Variants in SDK1 observed in about 807,000 individuals in gnomAD.
The protein encoded by SDK1 is sidekick cell adhesion molecule 1.
In SDK1, 157 loss-of-function variants were observed where a neutral mutation model predicts 245.5. That is an observed-to-expected ratio of 0.64 (90% CI 0.56 to 0.73). The LOEUF (loss-of-function observed/expected upper bound fraction) is 0.73, where lower values mean the gene tolerates loss of function less well. Among genes scored for constraint, SDK1 ranks in the 30% least tolerant of loss-of-function variants. SDK1 has a pLI of 0.00. For synonymous variants in SDK1, 1,647 were observed against 1,278.5 expected (o/e 1.29, Z -6.15); for missense variants, 3,583 against 3,002.3 (o/e 1.19, Z -4.52).
intron 4 of SDK1, among the ~76,000 whole-genome samples, chr7:3,725,872 TCCA>T (rs1368108332): frequency 6.6e-6 from 1 of 152,242 alleles, no homozygotes; most frequent in African/African-American, 2.4e-5. Context: ...GCAGTCGGAC[TCCA>T]ATCGTATTGA....
At chr7:3,998,841 T>C (rs1281066568) in intron 14 of SDK1, among the ~76,000 whole-genome samples, 1 of 152,180 alleles carries the variant, frequency 6.6e-6, no homozygotes, top group Non-Finnish European at 1.5e-5. Flanking sequence ...TAGGGAGTGC[T>C]GGCTTCTCTG....
chr7:3,593,733 A>T (rs1483316489), intron 1 of SDK1, among the ~76,000 whole-genome samples: 1 of 152,084 alleles, frequency 6.6e-6, no homozygotes, highest in Non-Finnish European at 1.5e-5. Context: ...ACCCCCAAAC[A>T]AAAAGCTGTG....
intron 4 of SDK1, among the ~76,000 whole-genome samples, chr7:3,760,172 A>T (rs1455861966): frequency 2.6e-5 from 4 of 152,202 alleles, no homozygotes; most frequent in African/African-American, 9.7e-5. Flanking sequence ...TGTGAAAGAT[A>T]AAATTTCTCG....
At chr7:3,327,940 A>G (rs6462005) in intron 1 of SDK1, among the ~76,000 whole-genome samples, 26,690 of 151,994 alleles carry the variant, frequency 0.18, 2,323 homozygotes, top group South Asian at 0.23. Flanking sequence ...TATGCGGTGT[A>G]TTTTGATACC....
chr7:3,806,851 G>T (rs190919777), intron 4 of SDK1, among the ~76,000 whole-genome samples: 4 of 152,068 alleles, frequency 2.6e-5, no homozygotes, highest in Admixed American at 6.5e-5. Context: ...GTTTTTTCCC[G>T]TTTTTATTTT....
intron 1 of SDK1, among the ~76,000 whole-genome samples, chr7:3,550,527 G>C (rs1385338339): frequency 2.6e-5 from 4 of 152,158 alleles, no homozygotes; most frequent in Admixed American, 2.6e-4. Flanking sequence ...TGTGCTGACT[G>C]TCTGCAGTGT....
At chr7:4,221,386 A>G (rs1423789579) in intron 40 of SDK1, 22 bp downstream of exon 40, 1 of 1,590,142 alleles carries the variant, frequency 6.3e-7, no homozygotes, top group African/African-American at 1.3e-5. Flanking sequence ...GGCCCCACAA[A>G]CGGGGTCTCA....
intron 5 of SDK1, among the ~76,000 whole-genome samples, chr7:3,873,505 C>G (rs2052281629): frequency 6.6e-6 from 1 of 152,048 alleles, no homozygotes; most frequent in African/African-American, 2.4e-5. Flanking sequence ...TTGGAAAATC[C>G]TAGCCCATTA....
chr7:4,164,503 C>T (rs982630880), intron 32 of SDK1, among the ~76,000 whole-genome samples: 20 of 152,224 alleles, frequency 1.3e-4, no homozygotes, highest in African/African-American at 4.8e-4. Context: ...GCTCGTTTCC[C>T]AGCCTGCACC....
At chr7:3,546,752 G>A (rs144864879) in intron 1 of SDK1, among the ~76,000 whole-genome samples, 10 of 152,328 alleles carry the variant, frequency 6.6e-5, no homozygotes, top group Admixed American at 2.0e-4. Context: ...CACGGGTAGC[G>A]TCCTGGAATC....
intron 1 of SDK1, among the ~76,000 whole-genome samples, chr7:3,430,006 C>T (rs989829819): frequency 6.6e-6 from 1 of 152,214 alleles, no homozygotes; most frequent in African/African-American, 2.4e-5. Context: ...AAAATACATG[C>T]AGTCACTGTG....
chr7:3,527,469 C>T lies in SDK1; in HGVS notation c.299-91611C>T, dbSNP rs1297333043. Among the ~76,000 whole-genome samples, 4 of 152,284 alleles carry T rather than the reference C, an allele frequency of 2.6e-5. No individual in the cohort carries two copies. In the East Asian group the frequency reaches 7.7e-4, roughly 29 times the overall value. ...ATGAAGGGCAGTTTAGGGAAGGGAG[C>T]AGCAAGTCAAGAGGCCCTGAGGCTG... On this transcript the variant is annotated intron_variant, in intron 1 of 44. Coordinates refer to ENST00000404826, the MANE Select transcript of SDK1 (RefSeq NM_152744.4).
intron 19 of SDK1, among the ~76,000 whole-genome samples, chr7:4,060,393 A>G (rs1317462987): frequency 6.6e-6 from 1 of 152,220 alleles, no homozygotes; most frequent in African/African-American, 2.4e-5. Context: ...TAATGAAACA[A>G]AGACTTAAAA....
At position 3,699,874 on chromosome 7, in the gene SDK1, C is replaced by A. The variant is rs540068874; in HGVS notation, c.713+57769C>A. Among the ~76,000 whole-genome samples the A allele has an allele frequency of 3.3e-5, 5 of 152,088 alleles. No homozygotes were observed. In the South Asian group the frequency reaches 1.0e-3, roughly 32 times the overall value. ...CAAGAAGCCGAGAGAATCCCAAGAT[C>A]AAAGAAATGCACATCAAGAAACATA... is the stretch of plus-strand genomic sequence containing the variant. On this transcript the variant is annotated intron_variant, in intron 4 of 44. Transcript: ENST00000404826.
intron 22 of SDK1, among the ~76,000 whole-genome samples, chr7:4,095,109 A>G (rs769799032): frequency 6.6e-6 from 1 of 152,106 alleles, no homozygotes; most frequent in Non-Finnish European, 1.5e-5. Flanking sequence ...CAGCTCCTCC[A>G]TATCTGAGGT....
intron 1 of SDK1, among the ~76,000 whole-genome samples, chr7:3,385,638 C>T (rs1339879801): frequency 6.6e-6 from 1 of 152,180 alleles, no homozygotes; most frequent in Non-Finnish European, 1.5e-5. Flanking sequence ...CAGTCAACCT[C>T]TCACTTCCCT....
chr7:3,403,078 C>T (rs908581282), intron 1 of SDK1, among the ~76,000 whole-genome samples: 1 of 151,966 alleles, frequency 6.6e-6, no homozygotes, highest in Non-Finnish European at 1.5e-5. Context: ...GGGATTACAG[C>T]TGCATGCCAC....
chr7:4,019,607 T>TA (rs879773928), intron 17 of SDK1, among the ~76,000 whole-genome samples: 2,820 of 146,132 alleles, frequency 0.019, 87 homozygotes, highest in African/African-American at 0.065. Context: ...CATCTATACT[T>TA]AAAAAAAAAA....
chr7:3,613,521 A>G (rs1174967241), intron 1 of SDK1, among the ~76,000 whole-genome samples: 1 of 151,890 alleles, frequency 6.6e-6, no homozygotes, highest in Non-Finnish European at 1.5e-5. Flanking sequence ...TTTGGTTTTG[A>G]TTTGCATTTC....
Sources: gnomAD v4.1 joint callset for allele counts (sites outside exome capture counted in the v4.1 genomes callset) on GRCh38, gnomAD v4.1.1 for gene constraint, MANE v1.5 for transcripts, NCBI Gene and HGNC (gene_info 2026-07-23, HGNC 2026-07-21) for gene names.